The following MMP16 variants were observed in gnomAD, a reference collection of about 807,000 sequenced individuals.
MMP16 encodes the protein matrix metalloproteinase-16.
Under a neutral mutation model 67.8 loss-of-function variants are expected in MMP16, and 12 were observed. The observed-to-expected ratio is 0.18, with a 90% CI of 0.11 to 0.29. The LOEUF is 0.29. MMP16 is among the 10% of genes least tolerant of loss of function. The pLI, the probability that MMP16 is intolerant of heterozygous loss-of-function variation, is 1.00. For synonymous variants in MMP16, 249 were observed against 255.9 expected, an observed-to-expected ratio of 0.97 and a Z score of 0.26; for missense variants, 475 against 765.7, an observed-to-expected ratio of 0.62 and a Z score of 4.48.
intron 7 of MMP16, chr8:88,069,562 G>C (rs1313023562): frequency 4.2e-6 from 2 of 472,822 alleles, no homozygotes; most frequent in African/African-American, 2.1e-5. Context: ...GTATGATGAA[G>C]AAAGTATCTC....
rs1246921009 is a variant in MMP16 at position 88,118,773 on chromosome 8, T to C, written c.798A>G (p.Pro266=). The part of the protein sequence containing the change: ...HSNDPTAIMA[P]FYQYMETDNF... The stretch of plus-strand genomic sequence containing the variant: ...TGTCTGTTTCCATGTACTGGTAAAA[T>C]GGAGCCATGATGGCAGTGGGGTCAT... Residue 266 remains proline (P), a synonymous_variant, in exon 5 of 10, where the codon CCA becomes CCG. Transcript: ENST00000286614. The C allele has an allele frequency of 6.2e-7, 1 of 1,613,450 alleles. No homozygotes were observed. Among genetic ancestry groups the C allele is most frequent in the Admixed American group, 1.7e-5 (1 of 59,952 alleles).
intron 1 of MMP16, among the ~76,000 whole-genome samples, chr8:88,242,108 G>C (rs941860696): frequency 4.6e-5 from 7 of 152,116 alleles, no homozygotes; most frequent in East Asian, 1.9e-4. Context: ...TTAGTGCTTG[G>C]ATAGAAAATA....
chr8:88,308,178 T>A (rs1043453617), intron 1 of MMP16, among the ~76,000 whole-genome samples: 2 of 152,118 alleles, frequency 1.3e-5, no homozygotes. Context: ...ACCCTGTATC[T>A]ATATCCTTAC....
chr8:88,043,034 A>G (rs1808152685), intron 9 of MMP16, among the ~76,000 whole-genome samples: 1 of 152,144 alleles, frequency 6.6e-6, no homozygotes, highest in African/African-American at 2.4e-5. Flanking sequence ...TGAAGGTAAT[A>G]TTTTTTCCTG....
chr8:88,327,026 G>A (rs1433509228), intron 1 of MMP16, 49 bp downstream of exon 1: 1 of 1,609,830 alleles, frequency 6.2e-7, no homozygotes, highest in African/African-American at 1.3e-5. Flanking sequence ...AAATGTTTCA[G>A]GGAGCAGCCC....
chr8:88,213,597 T>A (rs1809544539), intron 1 of MMP16, among the ~76,000 whole-genome samples: 2 of 152,142 alleles, frequency 1.3e-5, no homozygotes, highest in African/African-American at 4.8e-5. Context: ...AGAAGAATGA[T>A]CAGTTATAAG....
At chr8:88,149,108 C>T (rs1808348748) in intron 4 of MMP16, among the ~76,000 whole-genome samples, 1 of 152,196 alleles carries the variant, frequency 6.6e-6, no homozygotes, top group African/African-American at 2.4e-5. Context: ...ACGGACGCAC[C>T]TGGAAAATCG....
chr8:88,178,462 T>C (rs1304799045), intron 3 of MMP16, among the ~76,000 whole-genome samples: 1 of 152,220 alleles, frequency 6.6e-6, no homozygotes. Context: ...GTAAGATATG[T>C]CAATAGAAAC....
chr8:88,235,613 G>A (rs1404766652), intron 1 of MMP16, among the ~76,000 whole-genome samples: 2 of 152,044 alleles, frequency 1.3e-5, no homozygotes, highest in Non-Finnish European at 2.9e-5. Flanking sequence ...ACAAAAAAGT[G>A]GAAATACATC....
intron 1 of MMP16, among the ~76,000 whole-genome samples, chr8:88,285,967 G>A (rs1221276380): frequency 6.6e-6 from 1 of 152,050 alleles, no homozygotes. Context: ...ATATCCCATG[G>A]TACTTTCTCA....
At chr8:88,142,506 T>C (rs1486062562) in intron 4 of MMP16, among the ~76,000 whole-genome samples, 2 of 152,118 alleles carry the variant, frequency 1.3e-5, no homozygotes, top group African/African-American at 4.8e-5. Flanking sequence ...GTGGTTATCT[T>C]TGAGTGAAAG....
intron 3 of MMP16, among the ~76,000 whole-genome samples, chr8:88,169,566 C>T (rs184323832): frequency 6.6e-6 from 1 of 152,258 alleles, no homozygotes; most frequent in Admixed American, 6.5e-5. Context: ...AAATTTTTCA[C>T]TATTTTCTAA....
chr8:88,154,299 G>A (rs1221559726), intron 4 of MMP16, among the ~76,000 whole-genome samples: 1 of 141,854 alleles, frequency 7.0e-6, no homozygotes, highest in East Asian at 2.0e-4. Context: ...CATTGTGGAA[G>A]TCAGTGTGGC....
intron 7 of MMP16, among the ~76,000 whole-genome samples, chr8:88,061,669 G>A (rs1242795703): frequency 6.6e-6 from 1 of 152,050 alleles, no homozygotes; most frequent in African/African-American, 2.4e-5. Context: ...CGGTGTCTCA[G>A]TAGAGGATAA....
At chr8:88,169,044 A>C (rs1808760109) in intron 3 of MMP16, among the ~76,000 whole-genome samples, 2 of 152,136 alleles carry the variant, frequency 1.3e-5, no homozygotes, top group South Asian at 4.1e-4. Flanking sequence ...AGAGGATACC[A>C]TATTCAGGTG....
chr8:88,185,486 T>C (rs1809059194), intron 3 of MMP16, among the ~76,000 whole-genome samples: 1 of 152,098 alleles, frequency 6.6e-6, no homozygotes, highest in African/African-American at 2.4e-5. Context: ...TAAGTTCAAG[T>C]GACATGTTCC....
chr8:88,050,732 C>T (rs1808259447), intron 8 of MMP16, among the ~76,000 whole-genome samples: 1 of 152,150 alleles, frequency 6.6e-6, no homozygotes, highest in East Asian at 1.9e-4. Context: ...TAGTATCTGC[C>T]TGTGGTTCTT....
chr8:88,281,139 T>C (rs1057427314), intron 1 of MMP16, among the ~76,000 whole-genome samples: 5 of 152,212 alleles, frequency 3.3e-5, no homozygotes, highest in Admixed American at 3.3e-4. Context: ...CCCTCACTTC[T>C]TCTGGTTATC....
chr8:88,252,559 TA>T (rs889188942), intron 1 of MMP16, among the ~76,000 whole-genome samples: 2 of 138,852 alleles, frequency 1.4e-5, no homozygotes, highest in Non-Finnish European at 3.2e-5. Context: ...GGTTCAAAAA[TA>T]AAAAAAATCA....
Sources: gnomAD v4.1 joint callset for allele counts (sites outside exome capture counted in the v4.1 genomes callset) on GRCh38, gnomAD v4.1.1 for gene constraint, MANE v1.5 for transcripts, NCBI Gene and HGNC (gene_info 2026-07-23, HGNC 2026-07-21) for gene names.